ACAD11: variants seen among roughly 807,000 people sequenced by gnomAD.
ACAD11 encodes acyl-CoA dehydrogenase family member 11.
In ACAD11, 83 loss-of-function variants were observed where a neutral mutation model predicts 102.2. The observed-to-expected ratio is 0.81, with a 90% CI of 0.68 to 0.97. ACAD11 has a LOEUF of 0.97. Among genes scored for constraint, ACAD11 ranks in the 50% least tolerant of loss-of-function variants. ACAD11 has a pLI of 0.00. For missense variants in ACAD11, 901 were observed against 951.7 expected (o/e 0.95, Z 0.70); for synonymous variants, 324 against 319.8 (o/e 1.01, Z -0.14).
rs767653402 is a variant in ACAD11, at chr3:132,630,538, G to T, written c.862C>A (p.Leu288Met). The T allele has an allele frequency of 6.2e-7, 1 of 1,610,370 alleles. No homozygotes were observed. ...CTGCAGCGGCAATATATTGAAATCA[G>T]TTCTTCCATTGATGGTATCCCTATA... ...ENSGIPSMEELISIYCRCRGI... is the reference protein window; with the variant it reads ...ENSGIPSMEEMISIYCRCRGI... Residue 288 changes from leucine to methionine, a missense_variant, in exon 7 of 20, where the codon CTG becomes ATG. By Grantham distance (15) the Leu-to-Met change is conservative. Coordinates refer to ENST00000264990, the MANE Select transcript of ACAD11 (RefSeq NM_032169.5).
rs111920579 is a variant in ACAD11, at chr3:132,574,327, G to T, written c.2001+1445C>A. 5.7e-3 allele frequency among the ~76,000 whole-genome samples: 861 copies of T among 151,906 alleles called. 7 individuals are homozygous for T. Among genetic ancestry groups the T allele is most frequent in the African/African-American group, 0.02 (838 of 41,392 alleles). ...AGAGGCTGTATCCAGGGCCCCAGAG[G>T]GTCACACTTTCTCACCTCCTCCCAC... On this transcript the variant is annotated intron_variant, in intron 17 of 19. Coordinates refer to ENST00000264990, the MANE Select transcript of ACAD11 (RefSeq NM_032169.5).
intron 1 of ACAD11, among the ~76,000 whole-genome samples, chr3:132,654,231 G>T (rs905181503): frequency 1.1e-4 from 17 of 152,214 alleles, no homozygotes; most frequent in Middle Eastern, 3.2e-3. Flanking sequence ...TGACAGGGAT[G>T]TGTTCTGGAA....
intron 9 of ACAD11, chr3:132,621,318 A>G (rs1003702814): frequency 6.6e-6 from 1 of 152,194 alleles, no homozygotes; most frequent in African/African-American, 2.4e-5. Context: ...AAGAGGGGAA[A>G]AAAGAAAGAT....
At chr3:132,653,768 C>T (rs1215010074) in intron 1 of ACAD11, among the ~76,000 whole-genome samples, 1 of 152,286 alleles carries the variant, frequency 6.6e-6, no homozygotes, top group Non-Finnish European at 1.5e-5. Context: ...TCTTTGGCCA[C>T]TTCTTCTAAG....
chr3:132,603,212 TTA>T lies in ACAD11; in HGVS notation c.1621+15_1621+16del. The T allele has an allele frequency of 1.2e-6, 2 of 1,607,050 alleles. No individual in the cohort carries two copies. The highest frequency in any genetic ancestry group is 2.2e-5 in the South Asian group (2 of 90,876). ...AGGATCAGTGTGTTAGGTGAAAAAA[TTA>T]GGCTGAACACTCACCACTGCTCCAC... On this transcript the variant is annotated intron_variant, in intron 13 of 19. Coordinates refer to ENST00000264990, the MANE Select transcript of ACAD11 (RefSeq NM_032169.5).
intron 13 of ACAD11, among the ~76,000 whole-genome samples, chr3:132,593,003 T>A (rs964030113): frequency 1.5e-4 from 22 of 151,572 alleles, no homozygotes; most frequent in African/African-American, 4.8e-4. Context: ...AATGGTTAGA[T>A]CAAAATAAAT....
chr3:132,578,325 T>G (rs890538188), intron 15 of ACAD11, among the ~76,000 whole-genome samples: 12 of 152,176 alleles, frequency 7.9e-5, no homozygotes, highest in Non-Finnish European at 1.0e-4. Context: ...GGATCTTTGC[T>G]TCTTAGAAGT....
chr3:132,558,691 G>T lies in ACAD11; in HGVS notation c.*280C>A. On this transcript the variant is annotated 3_prime_UTR_variant, in exon 20 of 20. Transcript: ENST00000264990. Reference sequence around the variant, plus strand: ...CATTTTTAAATTTTTTGTAGCAATGGGGGTCTCGCTATGTTGCCCAGGCTG... The same window carrying T: ...CATTTTTAAATTTTTTGTAGCAATGTGGGTCTCGCTATGTTGCCCAGGCTG... 1 of 307,348 alleles carries T rather than the reference G, an allele frequency of 3.3e-6. No homozygotes were observed. The highest frequency in any genetic ancestry group is 5.9e-6 in the Non-Finnish European group (1 of 168,998). The allele number at this position is 307,348 out of a possible 1,614,324, so 19.0% of individuals were successfully genotyped here.
chr3:132,620,852 CTG>C (rs1939580566), intron 9 of ACAD11, among the ~76,000 whole-genome samples: 1 of 152,306 alleles, frequency 6.6e-6, no homozygotes, highest in East Asian at 1.9e-4. Flanking sequence ...ACCTGCACTT[CTG>C]TGTCCTTTAC....
intron 4 of ACAD11, among the ~76,000 whole-genome samples, chr3:132,641,461 G>C (rs1309962591): frequency 6.6e-6 from 1 of 151,836 alleles, no homozygotes; most frequent in East Asian, 1.9e-4. Context: ...GGAGAATGGC[G>C]TGAACCTGGG....
chr3:132,656,459 C>T (rs1292590415), intron 1 of ACAD11, among the ~76,000 whole-genome samples: 2 of 151,802 alleles, frequency 1.3e-5, no homozygotes, highest in Non-Finnish European at 2.9e-5. Flanking sequence ...TATATGAGTC[C>T]CTGTTGCCCC....
intron 13 of ACAD11, among the ~76,000 whole-genome samples, chr3:132,582,577 G>A (rs1336475195): frequency 6.6e-6 from 1 of 151,878 alleles, no homozygotes; most frequent in Non-Finnish European, 1.5e-5. Context: ...CTTTTAATCT[G>A]AATATCTAAT....
At chr3:132,582,071 G>A (rs1418530318) in intron 13 of ACAD11, among the ~76,000 whole-genome samples, 2 of 151,946 alleles carry the variant, frequency 1.3e-5, no homozygotes, top group African/African-American at 4.8e-5. Context: ...TTATATTAAA[G>A]TAGAGCTTGA....
chr3:132,591,127 T>C (rs1056617351), intron 13 of ACAD11, among the ~76,000 whole-genome samples: 31 of 152,334 alleles, frequency 2.0e-4, no homozygotes, highest in Non-Finnish European at 7.3e-5. Context: ...CCAGGGTTTT[T>C]ATAGTTTTGG....
chr3:132,642,697 A>C lies in ACAD11; in HGVS notation c.355T>G (p.Tyr119Asp). 1 of 1,608,600 alleles carries C rather than the reference A, an allele frequency of 6.2e-7. No individual in the cohort carries two copies. Among genetic ancestry groups the C allele is most frequent in the Non-Finnish European group, 8.5e-7 (1 of 1,178,488 alleles). The change falls in exon 3 of 20, where the codon TAC becomes GAC. Residue 119 changes from tyrosine (Y) to aspartate (D), a missense_variant. By Grantham distance (160) the Tyr-to-Asp change is radical (BLOSUM62 -3). Transcript: ENST00000264990. Reference protein sequence around the residue: ...SDTSVIGTEFYVMEHVQGRIF... With the variant: ...SDTSVIGTEFDVMEHVQGRIF... The stretch of plus-strand genomic sequence containing the variant: ...TTTACCTGCACATGTTCCATTACGT[A>C]AAATTCTGTTCCAATGACAGAAGTA...
rs1038720114 is a variant in ACAD11, at chr3:132,558,296, T to C, written c.*675A>G. ...TTACAGATTTCAAGGTGCTTCTACGTGGCTTCAGCAATTCTCACAACAAAC... is the reference window on the plus strand; with the variant it reads ...TTACAGATTTCAAGGTGCTTCTACGCGGCTTCAGCAATTCTCACAACAAAC... On this transcript the variant is annotated 3_prime_UTR_variant, in exon 20 of 20. Coordinates refer to ENST00000264990, the MANE Select transcript of ACAD11 (RefSeq NM_032169.5). 1 of 152,160 alleles carries C rather than the reference T, an allele frequency of 6.6e-6. No individual in the cohort carries two copies. Among genetic ancestry groups the C allele is most frequent in the Non-Finnish European group, 1.5e-5 (1 of 68,030 alleles). 9.4% of individuals were successfully genotyped at this position (152,160 alleles called of 1,614,324 possible).
chr3:132,621,441 G>A lies in ACAD11; in HGVS notation c.1198-1896C>T, dbSNP rs907104434. On this transcript the variant is annotated intron_variant, in intron 9 of 19. Transcript: ENST00000264990. ...TTGCTGAGAGAAAATAACTGTCATT[G>A]TAAAATTCTATATGCAATGAAACTA... 7.2e-5 allele frequency: 11 copies of A among 152,156 alleles called. 1 individual carries two copies. The highest frequency in any genetic ancestry group is 2.9e-5 in the Non-Finnish European group (2 of 68,036). The allele number at this position is 152,156 out of a possible 1,614,324, so 9.4% of individuals were successfully genotyped here.
intron 6 of ACAD11, 128 bp downstream of exon 6, chr3:132,631,213 A>G (rs997491074): frequency 1.0e-5 from 5 of 482,936 alleles, no homozygotes; most frequent in African/African-American, 4.0e-5. Context: ...AATAAAAATC[A>G]TAATAAAATA....
intron 4 of ACAD11, among the ~76,000 whole-genome samples, chr3:132,641,594 GA>G (rs1300354012): frequency 1.4e-5 from 2 of 142,646 alleles, no homozygotes; most frequent in African/African-American, 2.6e-5. Context: ...AGAAGAAGAA[GA>G]AGAAGAAGAG....
Sources: gnomAD v4.1 joint callset for allele counts (sites outside exome capture counted in the v4.1 genomes callset) on GRCh38, gnomAD v4.1.1 for gene constraint, MANE v1.5 for transcripts, NCBI Gene and HGNC (gene_info 2026-07-23, HGNC 2026-07-21) for gene names.